The following ANAPC7 variants were observed in gnomAD, a reference collection of about 807,000 sequenced individuals.
ANAPC7 encodes anaphase-promoting complex subunit 7.
In ANAPC7, 25 loss-of-function variants were observed where a neutral mutation model predicts 63.3. The observed-to-expected ratio is 0.39, with a 90% confidence interval of 0.29 to 0.55. The LOEUF (loss-of-function observed/expected upper bound fraction) is 0.55. Ranked by LOEUF, ANAPC7 falls within the 20% of genes least tolerant of loss-of-function variation. The pLI is 0.57. For synonymous variants in ANAPC7, 241 were observed against 251.7 expected (o/e 0.96, Z 0.40); for missense variants, 516 against 691.7 (o/e 0.75, Z 2.85).
At chr12:110,376,039 C>G (rs879027791) in intron 10 of ANAPC7, 27 bp downstream of exon 10, 1 of 1,596,926 alleles carries the variant, frequency 6.3e-7, no homozygotes, top group Non-Finnish European at 8.6e-7. Flanking sequence ...CCTCAGTGGC[C>G]TTCCCCCAAG....
chr12:110,389,023 A>C (rs938556240), intron 3 of ANAPC7, among the ~76,000 whole-genome samples: 1 of 149,792 alleles, frequency 6.7e-6, no homozygotes, highest in Non-Finnish European at 1.5e-5. Flanking sequence ...CGGAGCTTGC[A>C]GTGAACCGAC....
rs780970303 is a variant in ANAPC7 at position 110,388,628 on chromosome 12, A to G, written c.409-5T>C. The G allele has an allele frequency of 1.9e-6, 3 of 1,601,394 alleles. No homozygotes were observed. The highest frequency in any genetic ancestry group is 2.6e-6 in the Non-Finnish European group (3 of 1,170,110). ...GTTTGCCAGCATCATGTTTATCTGT[A>G]CAAACACAAATAACAGATAGCAAAA... On this transcript the variant is annotated splice_polypyrimidine_tract_variant and splice_region_variant and intron_variant, in intron 3 of 10. Transcript: ENST00000455511.
intron 8 of ANAPC7, chr12:110,377,906 G>T: frequency 1.0e-6 from 1 of 980,490 alleles, no homozygotes; most frequent in East Asian, 3.7e-5. Flanking sequence ...CACCCCATCT[G>T]ACCACTGGAA....
At chr12:110,394,708 T>C (rs1017220440) in intron 3 of ANAPC7, among the ~76,000 whole-genome samples, 9 of 132,836 alleles carry the variant, frequency 6.8e-5, no homozygotes, top group African/African-American at 2.7e-4. Context: ...TAGCTGGGTG[T>C]GGCAGCATGC....
intron 6 of ANAPC7, among the ~76,000 whole-genome samples, chr12:110,385,564 G>A (rs1356322817): frequency 6.6e-6 from 1 of 152,176 alleles, no homozygotes; most frequent in African/African-American, 2.4e-5. Flanking sequence ...AGGCAGCTTG[G>A]AGAAGAGGAA....
In ANAPC7 at chr12:110,380,390, T is replaced by C. The variant is rs139552832; in HGVS notation, c.1132+1362A>G. 9.5e-4 allele frequency among the ~76,000 whole-genome samples: 143 copies of C among 150,934 alleles called. 1 individual carries two copies. The East Asian group carries it at 0.027, about 28-fold the overall frequency. On this transcript the variant is annotated intron_variant, in intron 8 of 10. Coordinates refer to ENST00000455511, the MANE Select transcript of ANAPC7 (RefSeq NM_016238.3). ...AAAATAGGCCGGTTGTGGTGGCTCATGCCTGTAATCCCAGAACTTTGGGAG... is the reference window on the plus strand; with the variant it reads ...AAAATAGGCCGGTTGTGGTGGCTCACGCCTGTAATCCCAGAACTTTGGGAG...
chr12:110,375,806 T>C, intron 10 of ANAPC7: 1 of 1,140,124 alleles, frequency 8.8e-7, no homozygotes. Flanking sequence ...GGACAGAAGA[T>C]GAGCTATACA....
At chr12:110,382,461 A>AAAAATAT (rs1555289541) in intron 7 of ANAPC7, among the ~76,000 whole-genome samples, 2 of 30,844 alleles carry the variant, frequency 6.5e-5, no homozygotes, top group African/African-American at 1.2e-4. Context: ...AAAAAAAAAA[A>AAAAATAT]ATATATATAT....
chr12:110,386,848 C>T (rs1882496171), intron 5 of ANAPC7: 2 of 167,332 alleles, frequency 1.2e-5, no homozygotes, highest in African/African-American at 4.8e-5. Context: ...TAAAGAAAAT[C>T]CCTAGTCCTA....
At position 110,382,916 on chromosome 12, in the gene ANAPC7, C is replaced by G; in HGVS notation, c.862G>C (p.Glu288Gln). 6.2e-7 allele frequency: 1 copy of G among 1,614,070 alleles called. No individual in the cohort carries two copies. Among genetic ancestry groups the G allele is most frequent in the Non-Finnish European group, 8.5e-7 (1 of 1,179,926 alleles). The change falls in exon 7 of 11, where the codon GAG becomes CAG. Residue 288 changes from glutamate to glutamine, a missense_variant. Transcript: ENST00000455511. ...CGGCATCCAAGGTTCTCAACATCCT[C>G]TAGCCGCCCTTCTCGTGCCAGTAGG... Reference protein sequence around the residue: ...GYLLAREGRLEDVENLGCRLF... With the variant: ...GYLLAREGRLQDVENLGCRLF...
intron 1 of ANAPC7, among the ~76,000 whole-genome samples, chr12:110,399,462 TA>T (rs531274525): frequency 0.018 from 2,508 of 140,352 alleles, 19 homozygotes; most frequent in Non-Finnish European, 0.019. Context: ...TCTTGTCTCT[TA>T]AAAAAAAAAA....
At chr12:110,399,800 A>C (rs1255930078) in intron 1 of ANAPC7, among the ~76,000 whole-genome samples, 3 of 148,344 alleles carry the variant, frequency 2.0e-5, no homozygotes, top group African/African-American at 7.5e-5. Context: ...CAGACAAAAA[A>C]AAAAAAAAAA....
rs761178778 is a variant in ANAPC7, at chr12:110,388,537, G to A, written c.495C>T (p.Cys165=). The stretch of plus-strand genomic sequence containing the variant: ...CTAGAATGGCATCAAGGGCTAATGG[G>A]CACTGCCTCAGCACCTCCTTATAGC... The part of the protein sequence containing the change: ...VTSYKEVLRQ[C]PLALDAILGL... The change falls in exon 4 of 11, where the codon TGC becomes TGT. Residue 165 remains cysteine, a synonymous_variant. Coordinates refer to ENST00000455511, the MANE Select transcript of ANAPC7 (RefSeq NM_016238.3). 3 of 1,614,046 alleles carry A rather than the reference G, an allele frequency of 1.9e-6. No individual in the cohort carries two copies. In the South Asian group the frequency reaches 3.3e-5, roughly 18 times the overall value.
Position 110,403,642 on chromosome 12 carries a change from C to T in ANAPC7, c.-15G>A. The T allele has an allele frequency of 3.2e-6, 5 of 1,586,078 alleles. No individual in the cohort carries two copies. The highest frequency in any genetic ancestry group is 2.3e-5 in the East Asian group (1 of 43,750). On this transcript the variant is annotated 5_prime_UTR_variant, in exon 1 of 11. Transcript: ENST00000455511. ...ATCACATTCATCCTGCTCTGCAAAG[C>T]CGCGGGCAGCGGCGGCAGCACTGAC...
Position 110,376,117 on chromosome 12 carries a change from A to G in ANAPC7, c.1457T>C (p.Val486Ala). The G allele has an allele frequency of 6.2e-7, 1 of 1,614,134 alleles. No homozygotes were observed. Among genetic ancestry groups the G allele is most frequent in the Non-Finnish European group, 8.5e-7 (1 of 1,180,026 alleles). Residue 486 changes from valine to alanine, a missense_variant, in exon 10 of 11, where the codon GTA becomes GCA. Physicochemically the swap from Val to Ala is moderately conservative, Grantham distance 64 (BLOSUM62 0). Transcript: ENST00000455511. ...TGCCTCCTGATACTCATTGACAGCT[A>G]CAAGGAAATCTCCTAGGATCCGATG... ...VLHRILGDFL[V>A]AVNEYQEAMD... is the part of the protein sequence containing the mutation.
Position 110,373,031 on chromosome 12 carries a change from T to C in ANAPC7, c.*1113A>G. 6.6e-6 allele frequency: 1 copy of C among 152,336 alleles called. No individual in the cohort carries two copies. The highest frequency in any genetic ancestry group is 6.5e-5 in the Admixed American group (1 of 15,288). 9.4% of individuals were successfully genotyped at this position (152,336 alleles called of 1,614,324 possible). A position where few individuals can be genotyped will look rare whatever the true frequency, so the allele number is the denominator to read the frequency against. On this transcript the variant is annotated 3_prime_UTR_variant, in exon 11 of 11. Transcript: ENST00000455511. ...ATTTATATTTTGCAGCACCTTGGAC[T>C]AATTTTTGAATTTGGGATTAGCTGT... is the stretch of plus-strand genomic sequence containing the variant.
chr12:110,382,464 A>ATATATATATATATATG (rs1882011655), intron 7 of ANAPC7, among the ~76,000 whole-genome samples: 2 of 80,710 alleles, frequency 2.5e-5, no homozygotes, highest in African/African-American at 9.3e-5. Flanking sequence ...AAAAAAAAAT[A>ATATATATATATATATG]TATATATATA....
chr12:110,384,470 C>T (rs549337411), intron 6 of ANAPC7, among the ~76,000 whole-genome samples: 67 of 151,166 alleles, frequency 4.4e-4, no homozygotes, highest in Non-Finnish European at 7.8e-4. Flanking sequence ...TTTGGGAGGC[C>T]GAGGTGGAAA....
intron 10 of ANAPC7, chr12:110,375,800 A>C: frequency 4.4e-6 from 5 of 1,127,042 alleles, no homozygotes; most frequent in Non-Finnish European, 5.4e-6. Flanking sequence ...GGGCAAGGAC[A>C]GAAGATGAGC....
Sources: gnomAD v4.1 joint callset for allele counts (sites outside exome capture counted in the v4.1 genomes callset) on GRCh38, gnomAD v4.1.1 for gene constraint, MANE v1.5 for transcripts, NCBI Gene and HGNC (gene_info 2026-07-23, HGNC 2026-07-21) for gene names.